The following NFAM1 variants were observed in gnomAD, a reference collection of about 807,000 sequenced individuals.
NFAM1 encodes the protein NFAT activating protein with ITAM motif 1, also known as NFAT activation molecule 1.
NFAM1 carries 17 observed loss-of-function variants against 29.0 expected under a neutral mutation model. The observed-to-expected ratio is 0.59, with a 90% confidence interval of 0.40 to 0.88. NFAM1 has a LOEUF of 0.88. NFAM1 is among the 40% of genes least tolerant of loss of function. The probability of loss-of-function intolerance (pLI) is 0.00; values close to 1 mark genes in which losing one functional copy is unlikely to be tolerated. For missense variants in NFAM1, 324 were observed against 344.6 expected (o/e 0.94, Z 0.47); for synonymous variants, 175 against 147.2 (o/e 1.19, Z -1.36).
At chr22:42,418,974 A>G (rs1018030519) in intron 1 of NFAM1, among the ~76,000 whole-genome samples, 1 of 151,998 alleles carries the variant, frequency 6.6e-6, no homozygotes, top group Non-Finnish European at 1.5e-5. Flanking sequence ...GAGTTTGTCA[A>G]CCGCCCACGG....
chr22:42,424,882 CTCTT>C (rs1310656805), intron 1 of NFAM1, among the ~76,000 whole-genome samples: 3 of 150,120 alleles, frequency 2.0e-5, no homozygotes, highest in Non-Finnish European at 2.9e-5. Flanking sequence ...CCCTCCCTCT[CTCTT>C]TCTTTCCTTT....
chr22:42,415,816 T>A (rs1048027200), intron 1 of NFAM1, among the ~76,000 whole-genome samples: 1 of 152,198 alleles, frequency 6.6e-6, no homozygotes, highest in African/African-American at 2.4e-5. Context: ...CAAATTCTTT[T>A]CAGCTGTCAT....
At chr22:42,437,342 C>A (rs1176500430), upstream of NFAM1, among the ~76,000 whole-genome samples, 2 of 151,982 alleles carry the variant, frequency 1.3e-5, no homozygotes, top group African/African-American at 4.8e-5. Flanking sequence ...GGGGTTTTAC[C>A]ATGTTGGCCA....
At position 42,419,369 on chromosome 22, in the gene NFAM1, C is replaced by T. The variant is rs1040057946; in HGVS notation, c.122-7633G>A. 1.3e-5 allele frequency among the ~76,000 whole-genome samples: 2 copies of T among 152,098 alleles called. No homozygotes were observed. The highest frequency in any genetic ancestry group is 4.8e-5 in the African/African-American group (2 of 41,418). On this transcript the variant is annotated intron_variant, in intron 1 of 5. Coordinates refer to ENST00000329021, the MANE Select transcript of NFAM1 (RefSeq NM_145912.8). This position sits in a 1 kb window ranked among gnomAD's most constrained non-coding sequence, Gnocchi z 4.5. ...TGCTGGAGGAGACCCAGGAAGGAGT[C>T]TGAAATCAATTTACGGGGTCAAGAC...
upstream of NFAM1, among the ~76,000 whole-genome samples, chr22:42,433,125 A>T (rs2146564290): frequency 6.6e-6 from 1 of 152,334 alleles, no homozygotes; most frequent in Non-Finnish European, 1.5e-5. Context: ...TAGCAGCATC[A>T]GCCGGGGACA....
intron 4 of NFAM1, among the ~76,000 whole-genome samples, chr22:42,397,134 G>A (rs576624701): frequency 1.5e-3 from 223 of 152,320 alleles, no homozygotes; most frequent in African/African-American, 5.1e-3. Flanking sequence ...CGAAAGGAAC[G>A]TAGCAAAAAG....
chr22:42,428,486 G>A (rs1930695993), intron 1 of NFAM1, among the ~76,000 whole-genome samples: 1 of 152,096 alleles, frequency 6.6e-6, no homozygotes, highest in African/African-American at 2.4e-5. Context: ...CTGTCACCCA[G>A]GCTGGAGTTC....
upstream of NFAM1, among the ~76,000 whole-genome samples, chr22:42,434,679 T>A (rs548648979): frequency 1.3e-5 from 2 of 152,320 alleles, no homozygotes; most frequent in Admixed American, 1.3e-4. Context: ...ATGTGCTTCC[T>A]CTCCTGTGCC....
upstream of NFAM1, among the ~76,000 whole-genome samples, chr22:42,433,118 C>G (rs930602828): frequency 9.9e-5 from 15 of 152,226 alleles, no homozygotes; most frequent in Admixed American, 2.6e-4. Flanking sequence ...TCACTTCTAG[C>G]AGCATCAGCC....
Position 42,397,847 on chromosome 22 carries a change from C to G in NFAM1, c.663+11G>C. On this transcript the variant is annotated intron_variant, in intron 4 of 5. Transcript: ENST00000329021. ...AAAGAGGTGGAGGGAGCCGGGGGCC[C>G]CGGGACTCACTGTGTAGACAGATTC... 6.3e-7 allele frequency: 1 copy of G among 1,579,342 alleles called. No homozygotes were observed. The highest frequency in any genetic ancestry group is 8.7e-7 in the Non-Finnish European group (1 of 1,148,520).
At chr22:42,418,180 G>T (rs1049460613) in intron 1 of NFAM1, among the ~76,000 whole-genome samples, 1 of 152,212 alleles carries the variant, frequency 6.6e-6, no homozygotes, top group Non-Finnish European at 1.5e-5. Context: ...CCTGGATGCG[G>T]CTCCTGGCTC....
At chr22:42,404,763 G>A (rs753705040) in intron 3 of NFAM1, among the ~76,000 whole-genome samples, 1 of 150,958 alleles carries the variant, frequency 6.6e-6, no homozygotes, top group Non-Finnish European at 1.5e-5. Flanking sequence ...GCTGAGGCAG[G>A]AGAATCACTT....
chr22:42,397,820 T>TGAA (rs1263460720), intron 4 of NFAM1, 38 bp downstream of exon 4: 1 of 1,167,956 alleles, frequency 8.6e-7, no homozygotes, highest in East Asian at 2.3e-5. Context: ...GCCTAAGGCC[T>TGAA]GAAAGAGGTG....
chr22:42,428,283 C>T lies in NFAM1; in HGVS notation c.121+3954G>A, dbSNP rs577522768. Reference sequence around the variant, plus strand: ...GGGCAGCCTTTCCAGCACTCCCCTGCCTCTCCCCGCCCACCTCTGCCTGTG... The same window carrying T: ...GGGCAGCCTTTCCAGCACTCCCCTGTCTCTCCCCGCCCACCTCTGCCTGTG... On this transcript the variant is annotated intron_variant, in intron 1 of 5. Transcript: ENST00000329021. Among the ~76,000 whole-genome samples, 4 of 152,298 alleles carry T rather than the reference C, an allele frequency of 2.6e-5. No individual in the cohort carries two copies. The East Asian group carries it at 7.7e-4, about 29-fold the overall frequency.
chr22:42,434,958 C>T (rs961269994), upstream of NFAM1, among the ~76,000 whole-genome samples: 3 of 152,238 alleles, frequency 2.0e-5, no homozygotes, highest in African/African-American at 4.8e-5. Context: ...CCTGGCCTCA[C>T]GGAGGCTGTA....
At chr22:42,400,829 G>T (rs1929701122) in intron 3 of NFAM1, among the ~76,000 whole-genome samples, 1 of 152,256 alleles carries the variant, frequency 6.6e-6, no homozygotes, top group Admixed American at 6.5e-5. Context: ...TGGGGACCTA[G>T]TGTCTGTCTC....
chr22:42,404,641 A>T (rs1310909538), intron 3 of NFAM1, among the ~76,000 whole-genome samples: 1 of 152,052 alleles, frequency 6.6e-6, no homozygotes, highest in Admixed American at 6.6e-5. Flanking sequence ...AGATCTCCTG[A>T]TGTCAGGAGT....
At chr22:42,423,436 T>C (rs916127710) in intron 1 of NFAM1, among the ~76,000 whole-genome samples, 1 of 152,130 alleles carries the variant, frequency 6.6e-6, no homozygotes, top group East Asian at 1.9e-4. Flanking sequence ...GAGTGAAACA[T>C]GTTCACTGTA....
rs1400855793 is a variant in NFAM1, at chr22:42,385,164, G to A, written c.810C>T (p.Leu270=). 2 of 1,612,382 alleles carry A rather than the reference G, an allele frequency of 1.2e-6. No individual in the cohort carries two copies. The highest frequency in any genetic ancestry group is 8.5e-7 in the Non-Finnish European group (1 of 1,178,442). The stretch of plus-strand genomic sequence containing the variant: ...TCTATGAGCGGTGGAGCCCATCCTA[G>A]AGATTTTCATAGACCAGGTTAAGTT... ...DGELNLVYEN[L] is the part of the protein sequence containing the mutation. Residue 270 remains leucine (L), a synonymous_variant, in exon 6 of 6, where the codon CTC becomes CTT. Transcript: ENST00000329021.
Sources: gnomAD v4.1 joint callset for allele counts (sites outside exome capture counted in the v4.1 genomes callset) on GRCh38, gnomAD v4.1.1 for gene constraint, Gnocchi (gnomAD v3.1) non-coding constraint, MANE v1.5 for transcripts, NCBI Gene and HGNC (gene_info 2026-07-23, HGNC 2026-07-21) for gene names.